Variants in KCTD16 observed in about 807,000 individuals in gnomAD.
The protein encoded by KCTD16 is potassium channel tetramerization domain containing 16, also known as BTB/POZ domain-containing protein KCTD16.
KCTD16 carries 13 observed loss-of-function variants against 33.2 expected under a neutral mutation model. That is an observed-to-expected ratio of 0.39 (90% CI 0.25 to 0.62). KCTD16 has a LOEUF of 0.62. Ranked by LOEUF, KCTD16 falls within the 20% of genes least tolerant of loss-of-function variation. The probability of loss-of-function intolerance (pLI) is 0.50; values close to 1 mark genes in which losing one functional copy is unlikely to be tolerated. For synonymous variants in KCTD16, 197 were observed against 195.3 expected, an observed-to-expected ratio of 1.01 and a Z score of -0.07; for missense variants, 441 against 525.1, an observed-to-expected ratio of 0.84 and a Z score of 1.57.
intron 3 of KCTD16, among the ~76,000 whole-genome samples, chr5:144,386,542 C>T (rs1752327935): frequency 6.6e-6 from 1 of 152,150 alleles, no homozygotes; most frequent in Non-Finnish European, 1.5e-5. Flanking sequence ...TCTGTATATG[C>T]TCATGACTGT....
intron 3 of KCTD16, among the ~76,000 whole-genome samples, chr5:144,443,024 T>C (rs1201166697): frequency 2.0e-5 from 3 of 152,160 alleles, no homozygotes; most frequent in Non-Finnish European, 4.4e-5. Flanking sequence ...TTATACAAGA[T>C]AGAACTTGTC....
Position 144,482,345 on chromosome 5 carries a change from G to A in KCTD16, c.*8231G>A, listed in dbSNP as rs1382066266. ...ATGTTGTAGAACAAGTATCTGGTGAGTACTGATACCCTAAGAAACTCACCG... is the reference window on the plus strand; with the variant it reads ...ATGTTGTAGAACAAGTATCTGGTGAATACTGATACCCTAAGAAACTCACCG... On this transcript the variant is annotated 3_prime_UTR_variant, in exon 4 of 4. Coordinates refer to ENST00000512467, the MANE Select transcript of KCTD16 (RefSeq NM_020768.4). 2.6e-5 allele frequency: 4 copies of A among 151,934 alleles called. No homozygotes were observed. Among genetic ancestry groups the A allele is most frequent in the East Asian group, 1.9e-4 (1 of 5,150 alleles). The allele number at this position is 151,934 out of a possible 1,614,324, so 9.4% of individuals were successfully genotyped here.
At chr5:144,388,053 A>C (rs1752364225) in intron 3 of KCTD16, among the ~76,000 whole-genome samples, 1 of 138,596 alleles carries the variant, frequency 7.2e-6, no homozygotes, top group Admixed American at 7.1e-5. Context: ...CCAGAGTTCA[A>C]TTTTAGAGCA....
chr5:144,189,452 C>T (rs1819978), intron 2 of KCTD16, among the ~76,000 whole-genome samples: 42,567 of 149,384 alleles, frequency 0.28, 7,404 homozygotes, highest in African/African-American at 0.48. Flanking sequence ...GCCTAGATTG[C>T]GCCACTGCAC....
intron 3 of KCTD16, among the ~76,000 whole-genome samples, chr5:144,411,130 A>C (rs566554664): frequency 6.6e-6 from 1 of 152,344 alleles, no homozygotes; most frequent in East Asian, 1.9e-4. Flanking sequence ...TTACAGACTT[A>C]GTGCAATCCC....
intron 3 of KCTD16, among the ~76,000 whole-genome samples, chr5:144,439,974 A>G (rs1430159198): frequency 6.6e-6 from 1 of 152,160 alleles, no homozygotes; most frequent in Non-Finnish European, 1.5e-5. Context: ...ATATTTAAAA[A>G]AGCCCACTAA....
chr5:144,210,146 G>A (rs371371316), intron 3 of KCTD16, among the ~76,000 whole-genome samples: 23 of 151,816 alleles, frequency 1.5e-4, no homozygotes, highest in African/African-American at 3.6e-4. Context: ...TGGGGAGACC[G>A]AAATCTACCT....
intron 3 of KCTD16, among the ~76,000 whole-genome samples, chr5:144,468,013 C>T (rs935127056): frequency 6.6e-6 from 1 of 152,138 alleles, no homozygotes; most frequent in African/African-American, 2.4e-5. Context: ...GCCCCTTGCT[C>T]CTATCAGCGG....
intron 3 of KCTD16, among the ~76,000 whole-genome samples, chr5:144,346,018 T>C (rs1438248053): frequency 1.3e-5 from 2 of 151,530 alleles, no homozygotes; most frequent in African/African-American, 4.8e-5. Context: ...TTACCCTTCC[T>C]AGCCTCTGGA....
rs951776005 is a variant in KCTD16 at position 144,388,161 on chromosome 5, G to A, written c.833-85499G>A. On this transcript the variant is annotated intron_variant, in intron 3 of 3. Transcript: ENST00000512467. ...GTGGCGGGATATCGGCTCACTGCAA[G>A]CTCCGCCTCCCGGGTTCACGCCATT... Among the ~76,000 whole-genome samples, 4 of 131,108 alleles carry A rather than the reference G, an allele frequency of 3.1e-5. No homozygotes were observed. The East Asian group carries it at 1.0e-3, about 34-fold the overall frequency. 86.0% of individuals were successfully genotyped at this position (131,108 alleles called of 152,430 possible).
chr5:144,189,504 AAAAAAAG>A (rs1468676250), intron 2 of KCTD16, among the ~76,000 whole-genome samples: 2 of 151,980 alleles, frequency 1.3e-5, no homozygotes, highest in Non-Finnish European at 2.9e-5. Context: ...TCAAAAAAAA[AAAAAAAG>A]AAAAAAGAAA....
intron 3 of KCTD16, among the ~76,000 whole-genome samples, chr5:144,284,403 T>A (rs540565688): frequency 1.3e-5 from 2 of 152,314 alleles, no homozygotes; most frequent in African/African-American, 4.8e-5. Flanking sequence ...AAAGAAATCC[T>A]TCCTACTTCG....
chr5:144,452,165 T>TATATA (rs1561613198), intron 3 of KCTD16, among the ~76,000 whole-genome samples: 1 of 148,294 alleles, frequency 6.7e-6, no homozygotes, highest in African/African-American at 2.5e-5. Flanking sequence ...TATATATATA[T>TATATA]TCCTGTCACT....
chr5:144,367,596 C>A (rs1751866378), intron 3 of KCTD16, among the ~76,000 whole-genome samples: 1 of 152,080 alleles, frequency 6.6e-6, no homozygotes, highest in Non-Finnish European at 1.5e-5. Flanking sequence ...CAACTTATAG[C>A]TCCACTATTT....
chr5:144,202,092 G>T (rs1008930431), intron 2 of KCTD16, among the ~76,000 whole-genome samples: 5 of 152,196 alleles, frequency 3.3e-5, no homozygotes, highest in African/African-American at 1.2e-4. Context: ...GTCTTGATTT[G>T]CTATATGCTT....
chr5:144,328,091 A>G (rs993697225), intron 3 of KCTD16, among the ~76,000 whole-genome samples: 8 of 152,184 alleles, frequency 5.3e-5, no homozygotes, highest in Non-Finnish European at 1.2e-4. Flanking sequence ...AGAAAGTGAG[A>G]AAAGTGAGTG....
At chr5:144,218,521 T>C (rs1044529179) in intron 3 of KCTD16, among the ~76,000 whole-genome samples, 1 of 152,194 alleles carries the variant, frequency 6.6e-6, no homozygotes, top group Admixed American at 6.5e-5. Flanking sequence ...ATATTATTAA[T>C]AGTTATGCCA....
At chr5:144,232,337 C>T (rs573309254) in intron 3 of KCTD16, among the ~76,000 whole-genome samples, 22 of 152,206 alleles carry the variant, frequency 1.4e-4, no homozygotes, top group Admixed American at 3.9e-4. Flanking sequence ...TTGCTAATTA[C>T]GACAACAGTA....
At chr5:144,258,984 T>G (rs1206167620) in intron 3 of KCTD16, among the ~76,000 whole-genome samples, 2 of 151,586 alleles carry the variant, frequency 1.3e-5, no homozygotes, top group Non-Finnish European at 2.9e-5. Context: ...TGAGGCCGGG[T>G]GCGGTGGCTC....
Sources: gnomAD v4.1 joint callset for allele counts (sites outside exome capture counted in the v4.1 genomes callset) on GRCh38, gnomAD v4.1.1 for gene constraint, MANE v1.5 for transcripts, NCBI Gene and HGNC (gene_info 2026-07-23, HGNC 2026-07-21) for gene names.